Variants in SPOCK1 observed in about 807,000 individuals in gnomAD.
SPOCK1 encodes SPARC (osteonectin), cwcv and kazal like domains proteoglycan 1.
Under a neutral mutation model 55.3 loss-of-function variants are expected in SPOCK1, and 23 were observed. That is an observed-to-expected ratio of 0.42 (90% CI 0.30 to 0.59). SPOCK1 has a LOEUF of 0.59. Among genes scored for constraint, SPOCK1 ranks in the 20% least tolerant of loss-of-function variants. The pLI is 0.22. For missense variants in SPOCK1, 499 were observed against 552.5 expected, an observed-to-expected ratio of 0.90 and a Z score of 0.97; for synonymous variants, 226 against 221.0, an observed-to-expected ratio of 1.02 and a Z score of -0.20.
rs143104956 is a variant in SPOCK1, at chr5:137,477,755, CAT to C, written c.186+20616_186+20617del. ...ACAGAGCACCCCTTGCTAAGCTCCACATGTCAGCTCAGACAGCACCTGAAGCT... is the reference window on the plus strand; with the variant it reads ...ACAGAGCACCCCTTGCTAAGCTCCACGTCAGCTCAGACAGCACCTGAAGCT... On this transcript the variant is annotated intron_variant, in intron 2 of 10. Coordinates refer to ENST00000394945, the MANE Select transcript of SPOCK1 (RefSeq NM_004598.4). 7.2e-3 allele frequency among the ~76,000 whole-genome samples: 1,098 copies of C among 152,272 alleles called. 9 individuals are homozygous for C. The highest frequency in any genetic ancestry group is 0.025 in the African/African-American group (1,039 of 41,540).
chr5:137,132,519 G>GAACTGC (rs1433682473), intron 4 of SPOCK1, among the ~76,000 whole-genome samples: 1 of 152,208 alleles, frequency 6.6e-6, no homozygotes, highest in Non-Finnish European at 1.5e-5. Flanking sequence ...ATTCTGGGCA[G>GAACTGC]AACTGCAGAG....
intron 4 of SPOCK1, among the ~76,000 whole-genome samples, chr5:137,122,019 T>A (rs1753695345): frequency 6.6e-6 from 1 of 151,250 alleles, no homozygotes; most frequent in Admixed American, 6.6e-5. Context: ...CACAATATCC[T>A]CCATGTTTCC....
At chr5:137,101,262 G>A (rs1225105592) in intron 5 of SPOCK1, among the ~76,000 whole-genome samples, 4 of 152,094 alleles carry the variant, frequency 2.6e-5, no homozygotes, top group African/African-American at 9.7e-5. Context: ...TTCTGGCCAG[G>A]GACCTTTCTG....
At chr5:137,003,679 TTATTGAACAATTTTAATTTCTA>T (rs1751188604) in intron 6 of SPOCK1, among the ~76,000 whole-genome samples, 1 of 152,190 alleles carries the variant, frequency 6.6e-6, no homozygotes, top group Non-Finnish European at 1.5e-5. Flanking sequence ...AATCTAGGTA[TTATTGAACAATTTTAATTTCTA>T]TATTTTTTCC....
chr5:137,233,713 C>CTTTTTTTTTTTTTTTTTTTTTTTTTTT (rs56328555), intron 3 of SPOCK1, among the ~76,000 whole-genome samples: 2 of 58,412 alleles, frequency 3.4e-5, no homozygotes, highest in Admixed American at 2.4e-4. Context: ...AGGATATGCA[C>CTTTTTTTTTTTTTTTTTTTTTTTTTTT]TTTTTTTTTT....
intron 2 of SPOCK1, among the ~76,000 whole-genome samples, chr5:137,307,336 A>C (rs1341842848): frequency 1.3e-5 from 2 of 152,150 alleles, no homozygotes; most frequent in Admixed American, 1.3e-4. Flanking sequence ...ACAATGGCAC[A>C]GTTTTGATTT....
intron 6 of SPOCK1, among the ~76,000 whole-genome samples, chr5:137,023,960 A>ATT (rs34202986): frequency 0.011 from 1,402 of 129,866 alleles, 34 homozygotes; most frequent in African/African-American, 0.025. Context: ...TCAATATAGT[A>ATT]TTTTTTTTTT....
chr5:137,174,494 C>T (rs1754815478), intron 3 of SPOCK1, among the ~76,000 whole-genome samples: 1 of 152,206 alleles, frequency 6.6e-6, no homozygotes, highest in African/African-American at 2.4e-5. Context: ...ATCTGTTGCC[C>T]TCCTTTATAC....
chr5:137,319,391 A>T (rs1757938868), intron 2 of SPOCK1, among the ~76,000 whole-genome samples: 1 of 152,206 alleles, frequency 6.6e-6, no homozygotes, highest in Non-Finnish European at 1.5e-5. Context: ...CCTTTCTTTC[A>T]TCTAACACAT....
chr5:137,282,404 C>A (rs1008065254), intron 2 of SPOCK1, among the ~76,000 whole-genome samples: 22 of 152,234 alleles, frequency 1.4e-4, no homozygotes, highest in African/African-American at 5.3e-4. Context: ...GAGCTGCAAG[C>A]AAACACGCAT....
At chr5:137,158,196 A>G (rs1754455965) in intron 3 of SPOCK1, among the ~76,000 whole-genome samples, 1 of 152,156 alleles carries the variant, frequency 6.6e-6, no homozygotes, top group Non-Finnish European at 1.5e-5. Context: ...ATTCCATCCC[A>G]GTGACTGTCC....
At chr5:137,445,923 G>A (rs1364563869) in intron 2 of SPOCK1, among the ~76,000 whole-genome samples, 3 of 152,064 alleles carry the variant, frequency 2.0e-5, no homozygotes, top group Non-Finnish European at 4.4e-5. Context: ...ATTCCAAGGG[G>A]GTGCATCAAG....
intron 2 of SPOCK1, among the ~76,000 whole-genome samples, chr5:137,408,401 A>T (rs1752143908): frequency 6.6e-6 from 1 of 152,214 alleles, no homozygotes; most frequent in South Asian, 2.1e-4. Flanking sequence ...TGCCCAGCAG[A>T]CTGAGGCTGA....
intron 2 of SPOCK1, among the ~76,000 whole-genome samples, chr5:137,326,071 T>A (rs901280735): frequency 1.3e-5 from 2 of 152,160 alleles, no homozygotes; most frequent in South Asian, 4.1e-4. Context: ...TTTATTTCCA[T>A]AAAAGATAAT....
chr5:137,339,219 C>G (rs78422228), intron 2 of SPOCK1, among the ~76,000 whole-genome samples: 186 of 152,338 alleles, frequency 1.2e-3, no homozygotes, highest in African/African-American at 4.4e-3. Flanking sequence ...AACCAGCTGT[C>G]CCCTACATTT....
Position 137,153,856 on chromosome 5 carries a change from TCAAAAAAA to T in SPOCK1, c.233-13170_233-13163del, listed in dbSNP as rs569170814. Among the ~76,000 whole-genome samples, 30 of 140,942 alleles carry T rather than the reference TCAAAAAAA, an allele frequency of 2.1e-4. No homozygotes were observed. In the East Asian group the frequency reaches 2.4e-3, roughly 11 times the overall value. The allele number at this position is 140,942 out of a possible 152,430, so 92.5% of individuals were successfully genotyped here. On this transcript the variant is annotated intron_variant, in intron 3 of 10. Transcript: ENST00000394945. ...CTGGGTGACAGAGCAAGATTCTGTC[TCAAAAAAA>T]CAAAAAAACAAAAAAAGAAGAAGAA...
intron 2 of SPOCK1, among the ~76,000 whole-genome samples, chr5:137,272,965 T>TAC (rs149837317): frequency 1.3e-5 from 2 of 152,184 alleles, no homozygotes; most frequent in African/African-American, 4.8e-5. Flanking sequence ...TGTATGTTTA[T>TAC]ACACACACTC....
intron 5 of SPOCK1, among the ~76,000 whole-genome samples, chr5:137,071,437 G>T (rs918342229): frequency 6.6e-6 from 1 of 152,172 alleles, no homozygotes; most frequent in Non-Finnish European, 1.5e-5. Flanking sequence ...AAGGCAGCAG[G>T]ACTGGTCAGA....
chr5:137,246,486 T>C (rs1276291017), intron 3 of SPOCK1, among the ~76,000 whole-genome samples: 1 of 152,234 alleles, frequency 6.6e-6, no homozygotes, highest in Non-Finnish European at 1.5e-5. Flanking sequence ...CTCCCACTTA[T>C]TACATTGGCT....
Sources: gnomAD v4.1 joint callset for allele counts (sites outside exome capture counted in the v4.1 genomes callset) on GRCh38, gnomAD v4.1.1 for gene constraint, MANE v1.5 for transcripts, NCBI Gene and HGNC (gene_info 2026-07-23, HGNC 2026-07-21) for gene names.